Variants in LHFPL6 observed in about 807,000 individuals in gnomAD.
LHFPL6 encodes LHFPL tetraspan subfamily member 6 protein.
Under a neutral mutation model 20.6 loss-of-function variants are expected in LHFPL6, and 9 were observed. The ratio of observed to expected loss-of-function variants is 0.44; its 90% CI spans 0.26 to 0.76. LHFPL6 has a LOEUF of 0.76. Ranked by LOEUF, LHFPL6 falls within the 30% of genes least tolerant of loss-of-function variation. The pLI, the probability that LHFPL6 is intolerant of heterozygous loss-of-function variation, is 0.20. For missense variants in LHFPL6, 218 were observed against 253.5 expected (o/e 0.86, Z 0.95); for synonymous variants, 105 against 98.7 (o/e 1.06, Z -0.38).
chr13:39,406,936 G>C (rs374790245), intron 2 of LHFPL6, among the ~76,000 whole-genome samples: 1 of 152,004 alleles, frequency 6.6e-6, no homozygotes, highest in Non-Finnish European at 1.5e-5. Context: ...GAGATCCAAG[G>C]TAATTTTTCT....
At chr13:39,598,658 C>A (rs995795802) in intron 2 of LHFPL6, among the ~76,000 whole-genome samples, 18 of 152,254 alleles carry the variant, frequency 1.2e-4, no homozygotes, top group African/African-American at 4.1e-4. Flanking sequence ...TGGGTTCACG[C>A]CATTCTCCTG....
chr13:39,345,020 G>A (rs375831431), intron 3 of LHFPL6, among the ~76,000 whole-genome samples: 1 of 152,148 alleles, frequency 6.6e-6, no homozygotes, highest in Non-Finnish European at 1.5e-5. Flanking sequence ...AGTAAAGAAG[G>A]CCTCTATATC....
intron 2 of LHFPL6, among the ~76,000 whole-genome samples, chr13:39,459,455 A>T (rs1872642797): frequency 6.6e-6 from 1 of 152,064 alleles, no homozygotes; most frequent in Admixed American, 6.6e-5. Flanking sequence ...CCAGGGACAC[A>T]AAGCCACAAG....
At chr13:39,562,567 C>CAT (rs1566142155) in intron 2 of LHFPL6, among the ~76,000 whole-genome samples, 1 of 96,672 alleles carries the variant, frequency 1.0e-5, no homozygotes. Flanking sequence ...CATACATATA[C>CAT]ACATACATAT....
intron 2 of LHFPL6, among the ~76,000 whole-genome samples, chr13:39,480,508 T>C (rs181893091): frequency 1.1e-4 from 17 of 152,316 alleles, no homozygotes; most frequent in East Asian, 7.7e-4. Context: ...CCCCCTGAGA[T>C]ACAGGCCATT....
intron 2 of LHFPL6, among the ~76,000 whole-genome samples, chr13:39,493,178 A>G (rs570596681): frequency 4.0e-5 from 6 of 151,336 alleles, no homozygotes; most frequent in Non-Finnish European, 8.8e-5. Flanking sequence ...AACATATTAT[A>G]AGAAAATAGG....
In LHFPL6 at chr13:39,458,693, T is replaced by TAA. The variant is rs60626867; in HGVS notation, c.386-80169_386-80168dup. ...CTGGGCAATACAGCAATACCCTGCC[T>TAA]AAAAAAAAAAAAAAAGGCAAGCAGA... On this transcript the variant is annotated intron_variant, in intron 2 of 3. Transcript: ENST00000379589. Among the ~76,000 whole-genome samples the TAA allele has an allele frequency of 9.5e-4, 93 of 97,632 alleles. No homozygotes were observed. The East Asian group carries it at 0.011, about 11-fold the overall frequency. 64.1% of individuals were successfully genotyped at this position (97,632 alleles called of 152,430 possible).
chr13:39,528,111 G>T (rs1322757876), intron 2 of LHFPL6, among the ~76,000 whole-genome samples: 2 of 152,080 alleles, frequency 1.3e-5, no homozygotes, highest in Non-Finnish European at 2.9e-5. Flanking sequence ...GCTAAGAAAA[G>T]AGATCTACTG....
chr13:39,365,987 G>A (rs1264665860), intron 3 of LHFPL6, among the ~76,000 whole-genome samples: 1 of 152,090 alleles, frequency 6.6e-6, no homozygotes, highest in Non-Finnish European at 1.5e-5. Context: ...ACTGCCCCAA[G>A]TTCCCCCAAA....
intron 2 of LHFPL6, among the ~76,000 whole-genome samples, chr13:39,460,666 T>C (rs12583320): frequency 0.094 from 14,288 of 152,268 alleles, 1,271 homozygotes; most frequent in East Asian, 0.51. Context: ...CCTTAATGAC[T>C]TGAACTCCTA....
At chr13:39,576,641 T>C (rs1485602399) in intron 2 of LHFPL6, among the ~76,000 whole-genome samples, 1 of 152,162 alleles carries the variant, frequency 6.6e-6, no homozygotes, top group African/African-American at 2.4e-5. Context: ...AAATTCTTAA[T>C]AATTTTTTTT....
At chr13:39,592,074 C>G (rs995894437) in intron 2 of LHFPL6, among the ~76,000 whole-genome samples, 1 of 150,356 alleles carries the variant, frequency 6.7e-6, no homozygotes, top group African/African-American at 2.4e-5. Flanking sequence ...CCAGCCTGGA[C>G]GACAAAAGCA....
chr13:39,499,898 A>G (rs1869234858), intron 2 of LHFPL6, among the ~76,000 whole-genome samples: 1 of 152,266 alleles, frequency 6.6e-6, no homozygotes, highest in South Asian at 2.1e-4. Context: ...GTCATGCCTG[A>G]CACAATCACA....
chr13:39,587,463 C>G (rs1872483748), intron 2 of LHFPL6, among the ~76,000 whole-genome samples: 1 of 152,122 alleles, frequency 6.6e-6, no homozygotes, highest in Admixed American at 6.6e-5. Flanking sequence ...GCATTTTGTT[C>G]ATACTCTAGT....
intron 2 of LHFPL6, among the ~76,000 whole-genome samples, chr13:39,448,493 C>T (rs996247793): frequency 2.6e-5 from 4 of 152,164 alleles, no homozygotes; most frequent in African/African-American, 7.2e-5. Context: ...AAAGAGCAGA[C>T]ATTAGGCACA....
intron 3 of LHFPL6, among the ~76,000 whole-genome samples, chr13:39,371,144 G>A (rs752082529): frequency 6.6e-6 from 1 of 152,102 alleles, no homozygotes; most frequent in South Asian, 2.1e-4. Context: ...TCCAGTTTAC[G>A]GCACTGCTCT....
intron 2 of LHFPL6, among the ~76,000 whole-genome samples, chr13:39,465,659 C>G (rs555189306): frequency 1.3e-5 from 2 of 152,154 alleles, no homozygotes; most frequent in East Asian, 1.9e-4. Flanking sequence ...ATCATCTTGT[C>G]TGAAAATATT....
chr13:39,490,591 T>A (rs1448749247), intron 2 of LHFPL6, among the ~76,000 whole-genome samples: 2 of 152,236 alleles, frequency 1.3e-5, no homozygotes, highest in Non-Finnish European at 2.9e-5. Context: ...TAGCTACTAA[T>A]GCTACATCTG....
intron 2 of LHFPL6, among the ~76,000 whole-genome samples, chr13:39,514,631 A>C (rs997097418): frequency 1.3e-5 from 2 of 152,226 alleles, no homozygotes; most frequent in Non-Finnish European, 1.5e-5. Context: ...TACCCAGCCA[A>C]AGTTAACTGA....
Sources: gnomAD v4.1 joint callset for allele counts (sites outside exome capture counted in the v4.1 genomes callset) on GRCh38, gnomAD v4.1.1 for gene constraint, MANE v1.5 for transcripts, NCBI Gene and HGNC (gene_info 2026-07-23, HGNC 2026-07-21) for gene names.